The following PKIG variants were observed in gnomAD, a reference collection of about 807,000 sequenced individuals.
PKIG encodes the protein protein kinase (cAMP-dependent, catalytic) inhibitor gamma.
In PKIG, 1 loss-of-function variant was observed where a neutral mutation model predicts 6.8. That is an observed-to-expected ratio of 0.15 (90% CI 0.05 to 0.69). The LOEUF is 0.69. PKIG is among the 30% of genes least tolerant of loss of function. The pLI is 0.82. For missense variants in PKIG, 77 were observed against 104.0 expected, an observed-to-expected ratio of 0.74 and a Z score of 1.13; for synonymous variants, 39 against 43.0, an observed-to-expected ratio of 0.91 and a Z score of 0.36.
chr20:44,555,221 A>G (rs1298989187), intron 1 of PKIG, among the ~76,000 whole-genome samples: 1 of 152,220 alleles, frequency 6.6e-6, no homozygotes, highest in Non-Finnish European at 1.5e-5. Flanking sequence ...ATTGAAAACA[A>G]ACAAGTAAAC....
intron 1 of PKIG, among the ~76,000 whole-genome samples, chr20:44,576,367 G>A (rs998128979): frequency 3.3e-5 from 5 of 152,084 alleles, no homozygotes; most frequent in East Asian, 3.9e-4. Context: ...AGGGTTATAA[G>A]AAGAGACATA....
chr20:44,570,581 C>G (rs1206294581), intron 1 of PKIG, among the ~76,000 whole-genome samples: 1 of 152,148 alleles, frequency 6.6e-6, no homozygotes, highest in African/African-American at 2.4e-5. Flanking sequence ...ATAACAGAAG[C>G]CTCATATGGC....
intron 1 of PKIG, among the ~76,000 whole-genome samples, chr20:44,563,374 ATT>A: frequency 6.8e-6 from 1 of 146,992 alleles, no homozygotes; most frequent in South Asian, 2.1e-4. Context: ...AGAACAACTG[ATT>A]TTTTTTTTTT....
intron 1 of PKIG, among the ~76,000 whole-genome samples, chr20:44,585,491 A>G (rs912826728): frequency 3.3e-5 from 5 of 152,186 alleles, no homozygotes; most frequent in Non-Finnish European, 7.4e-5. Context: ...GATCATCTCC[A>G]TTTTACACCT....
Position 44,601,266 on chromosome 20 carries a change from G to C in PKIG, c.-24+11400G>C, listed in dbSNP as rs546000120. 2.7e-3 allele frequency among the ~76,000 whole-genome samples: 406 copies of C among 152,344 alleles called. 3 individuals carry two copies. Among genetic ancestry groups the C allele is most frequent in the African/African-American group, 9.2e-3 (382 of 41,584 alleles). On this transcript the variant is annotated intron_variant, in intron 2 of 3. Transcript: ENST00000372886. ...GGCCTGCTTGGGTCTAGGCCTGGCA[G>C]GTGCAGAGGCCAAGGCCCGGCCTCT... is the stretch of plus-strand genomic sequence containing the variant.
intron 1 of PKIG, among the ~76,000 whole-genome samples, chr20:44,568,740 C>T (rs2064830773): frequency 6.6e-6 from 1 of 152,132 alleles, no homozygotes; most frequent in African/African-American, 2.4e-5. Flanking sequence ...TGAGCCACTG[C>T]ACCTGGCTCT....
intron 3 of PKIG, among the ~76,000 whole-genome samples, chr20:44,615,045 G>A (rs1020193190): frequency 6.6e-6 from 1 of 151,844 alleles, no homozygotes; most frequent in African/African-American, 2.4e-5. Flanking sequence ...GCTTCCCTGG[G>A]CTCCCTACAC....
intron 2 of PKIG, among the ~76,000 whole-genome samples, chr20:44,610,889 C>A (rs1164167129): frequency 6.6e-6 from 1 of 151,858 alleles, no homozygotes; most frequent in South Asian, 2.1e-4. Context: ...TTTTTACTGA[C>A]ATGTCATTGT....
At chr20:44,538,074 T>G (rs915068733) in intron 1 of PKIG, among the ~76,000 whole-genome samples, 13 of 152,152 alleles carry the variant, frequency 8.5e-5, no homozygotes, top group African/African-American at 2.9e-4. Flanking sequence ...AGGTATACAG[T>G]GTCATATTAA....
At chr20:44,574,574 GT>G (rs894127778) in intron 1 of PKIG, among the ~76,000 whole-genome samples, 1 of 130,894 alleles carries the variant, frequency 7.6e-6, no homozygotes, top group Non-Finnish European at 1.7e-5. Context: ...TTTTGTTTTT[GT>G]TTTTGTTTTT....
rs1313303660 is a variant in PKIG, at chr20:44,618,891, G to T, written c.*527G>T. 6.3e-6 allele frequency: 1 copy of T among 158,026 alleles called. No homozygotes were observed. Among genetic ancestry groups the T allele is most frequent in the Non-Finnish European group, 1.4e-5 (1 of 71,050 alleles). The allele number at this position is 158,026 out of a possible 1,614,324, so 9.8% of individuals were successfully genotyped here. ...AAGCCATTTTAGCTAAACTGTCATT[G>T]TGCATCTCTGAGGTTCCCTCATGGA... On this transcript the variant is annotated 3_prime_UTR_variant, in exon 4 of 4. Coordinates refer to ENST00000372886, the MANE Select transcript of PKIG (RefSeq NM_001281445.2).
intron 2 of PKIG, among the ~76,000 whole-genome samples, chr20:44,610,060 T>C (rs969521881): frequency 6.6e-6 from 1 of 152,222 alleles, no homozygotes; most frequent in African/African-American, 2.4e-5. Flanking sequence ...CCGTGACCTG[T>C]AGAAGGAGCC....
intron 1 of PKIG, among the ~76,000 whole-genome samples, chr20:44,574,211 C>A (rs1487930566): frequency 6.6e-6 from 1 of 152,030 alleles, no homozygotes; most frequent in African/African-American, 2.4e-5. Flanking sequence ...TAATAAAAAC[C>A]ATCTGTTCCC....
At chr20:44,550,357 G>T (rs959825723) in intron 1 of PKIG, among the ~76,000 whole-genome samples, 3 of 151,586 alleles carry the variant, frequency 2.0e-5, no homozygotes, top group Non-Finnish European at 4.4e-5. Context: ...AGAACTGAGG[G>T]TTCTGGAAAT....
At chr20:44,563,758 T>C (rs1414365462) in intron 1 of PKIG, among the ~76,000 whole-genome samples, 1 of 152,128 alleles carries the variant, frequency 6.6e-6, no homozygotes, top group African/African-American at 2.4e-5. Flanking sequence ...CTAAAACTCC[T>C]GGACTCACGT....
intron 3 of PKIG, among the ~76,000 whole-genome samples, chr20:44,615,028 G>T (rs946462457): frequency 1.3e-5 from 2 of 151,998 alleles, no homozygotes; most frequent in African/African-American, 2.4e-5. Context: ...GCTGACTTTA[G>T]CGGCCGGCTT....
chr20:44,615,209 G>A (rs2065253684), intron 3 of PKIG, among the ~76,000 whole-genome samples: 1 of 151,606 alleles, frequency 6.6e-6, no homozygotes, highest in Non-Finnish European at 1.5e-5. Flanking sequence ...CAGTCCTGCT[G>A]TAGGCCGGGC....
chr20:44,618,847 CA>C lies in PKIG; in HGVS notation c.*485del. 1 of 158,172 alleles carries C rather than the reference CA, an allele frequency of 6.3e-6. No individual in the cohort carries two copies. The highest frequency in any genetic ancestry group is 6.0e-5 in the Admixed American group (1 of 16,750). The allele number at this position is 158,172 out of a possible 1,614,324, so 9.8% of individuals were successfully genotyped here. On this transcript the variant is annotated 3_prime_UTR_variant, in exon 4 of 4. Transcript: ENST00000372886. ...TTTCAGCAGATATGGAGAGAGCTGACAATCAATTCACATTTTTTAAGCCATT... is the reference window on the plus strand; with the variant it reads ...TTTCAGCAGATATGGAGAGAGCTGACATCAATTCACATTTTTTAAGCCATT...
intron 2 of PKIG, among the ~76,000 whole-genome samples, chr20:44,606,237 G>A (rs896613212): frequency 6.6e-6 from 1 of 152,174 alleles, no homozygotes; most frequent in Admixed American, 6.6e-5. Context: ...CAGAAAAGGA[G>A]ATGCAAGTGG....
Sources: gnomAD v4.1 joint callset for allele counts (sites outside exome capture counted in the v4.1 genomes callset) on GRCh38, gnomAD v4.1.1 for gene constraint, MANE v1.5 for transcripts, NCBI Gene and HGNC (gene_info 2026-07-23, HGNC 2026-07-21) for gene names.